The following LRP1B variants were observed in gnomAD, a reference collection of about 807,000 sequenced individuals.
The protein encoded by LRP1B is low-density lipoprotein receptor-related protein 1B.
In LRP1B, 217 loss-of-function variants were observed where a neutral mutation model predicts 556.6. That is an observed-to-expected ratio of 0.39 (90% CI 0.35 to 0.44). LRP1B has a LOEUF of 0.44. Among genes scored for constraint, LRP1B ranks in the 20% least tolerant of loss-of-function variants. The pLI, the probability that LRP1B is intolerant of heterozygous loss-of-function variation, is 1.00. For synonymous variants in LRP1B, 2,047 were observed against 1,865.8 expected (o/e 1.10, Z -2.50); for missense variants, 5,053 against 5,620.8 (o/e 0.90, Z 3.23).
intron 2 of LRP1B, among the ~76,000 whole-genome samples, chr2:141,726,227 C>T (rs2381154): frequency 0.6 from 89,587 of 150,458 alleles, 27,185 homozygotes; most frequent in East Asian, 0.92. Context: ...ACAATCCCAT[C>T]ATCATAAAAA....
chr2:141,899,930 CTG>C (rs1558948825), intron 1 of LRP1B, among the ~76,000 whole-genome samples: 1 of 151,998 alleles, frequency 6.6e-6, no homozygotes, highest in Admixed American at 6.6e-5. Context: ...ACTGTACTGA[CTG>C]TGCACTCAAA....
chr2:141,921,567 C>G (rs1700185233), intron 1 of LRP1B, among the ~76,000 whole-genome samples: 2 of 152,042 alleles, frequency 1.3e-5, no homozygotes. Flanking sequence ...TGATTCCTCA[C>G]TTCCATTTCA....
At chr2:140,818,870 G>C (rs1691218131) in intron 31 of LRP1B, among the ~76,000 whole-genome samples, 1 of 149,790 alleles carries the variant, frequency 6.7e-6, no homozygotes, top group South Asian at 2.1e-4. Context: ...CCAGGAGGTA[G>C]AGGTTGCAGT....
chr2:141,160,861 T>A (rs1023045286), intron 7 of LRP1B, among the ~76,000 whole-genome samples: 44 of 138,214 alleles, frequency 3.2e-4, no homozygotes, highest in African/African-American at 1.1e-3. Context: ...TATATATATA[T>A]AAAATAAGGT....
Position 141,265,008 on chromosome 2 carries a change from C to G in LRP1B, c.344-10367G>C, listed in dbSNP as rs1265499743. Among the ~76,000 whole-genome samples the G allele has an allele frequency of 3.3e-5, 5 of 152,154 alleles. 1 individual carries two copies. The South Asian group carries it at 1.0e-3, about 31-fold the overall frequency. On this transcript the variant is annotated intron_variant, in intron 3 of 90. Transcript: ENST00000389484. ...CCTAGGACAGGGCACTGGATAACTT[C>G]CCTGTGCTGAGCCGCTGCTCCTGCT...
chr2:140,877,675 C>A (rs777821654), intron 25 of LRP1B, among the ~76,000 whole-genome samples: 21 of 152,126 alleles, frequency 1.4e-4, no homozygotes, highest in Non-Finnish European at 2.2e-4. Flanking sequence ...AGCAGGCAAC[C>A]ATTTGTGTCT....
At chr2:141,247,176 A>C in intron 5 of LRP1B, 50 bp downstream of exon 5, 1 of 1,607,186 alleles carries the variant, frequency 6.2e-7, no homozygotes, top group Non-Finnish European at 8.5e-7. Flanking sequence ...GAATTGTAAA[A>C]AGGAAACAAG....
intron 3 of LRP1B, among the ~76,000 whole-genome samples, chr2:141,468,992 G>A (rs777305369): frequency 6.6e-6 from 1 of 151,942 alleles, no homozygotes; most frequent in Non-Finnish European, 1.5e-5. Flanking sequence ...TTGTTGGACC[G>A]GTTCTACAAT....
intron 2 of LRP1B, among the ~76,000 whole-genome samples, chr2:141,618,199 C>T (rs865988016): frequency 4.0e-5 from 6 of 151,638 alleles, no homozygotes; most frequent in South Asian, 2.1e-4. Context: ...TTTTTTTCCT[C>T]GCTAGTAATT....
At chr2:141,771,002 T>C (rs1342047374) in intron 2 of LRP1B, among the ~76,000 whole-genome samples, 5 of 152,242 alleles carry the variant, frequency 3.3e-5, no homozygotes, top group Non-Finnish European at 7.3e-5. Context: ...ATTGAACCAC[T>C]GGACTGACTT....
intron 53 of LRP1B, among the ~76,000 whole-genome samples, chr2:140,503,654 A>G (rs1689288630): frequency 6.6e-6 from 1 of 152,136 alleles, no homozygotes; most frequent in Non-Finnish European, 1.5e-5. Flanking sequence ...TAGAGTCACT[A>G]AAAACTTTAT....
intron 3 of LRP1B, among the ~76,000 whole-genome samples, chr2:141,408,143 T>A (rs75737781): frequency 7.2e-4 from 77 of 106,210 alleles, no homozygotes; most frequent in East Asian, 2.3e-3. Flanking sequence ...TTGGTTCAAT[T>A]TTTTTTTTTT....
chr2:140,698,425 TA>T (rs1184677708), intron 41 of LRP1B, among the ~76,000 whole-genome samples: 2 of 152,142 alleles, frequency 1.3e-5, no homozygotes, highest in African/African-American at 2.4e-5. Flanking sequence ...TGCGTTCATC[TA>T]AATAGCACCT....
intron 1 of LRP1B, among the ~76,000 whole-genome samples, chr2:142,029,979 C>A (rs1443619148): frequency 1.3e-4 from 20 of 151,226 alleles, no homozygotes; most frequent in Admixed American, 1.3e-3. Flanking sequence ...TTTTTTCTAT[C>A]CATTTTTCAC....
chr2:140,453,573 T>C (rs887505591), intron 62 of LRP1B, among the ~76,000 whole-genome samples: 1 of 152,090 alleles, frequency 6.6e-6, no homozygotes, highest in Non-Finnish European at 1.5e-5. Context: ...AATACAGGGA[T>C]AAAATGCAAT....
At chr2:141,188,644 A>C (rs1681368101) in intron 6 of LRP1B, 61 bp from the exon 7 acceptor site, 1 of 1,446,768 alleles carries the variant, frequency 6.9e-7, no homozygotes, top group Non-Finnish European at 9.6e-7. Context: ...ATGATCCAAA[A>C]ATAACATAAG....
At chr2:140,814,801 C>T (rs899963315) in intron 31 of LRP1B, among the ~76,000 whole-genome samples, 4 of 152,066 alleles carry the variant, frequency 2.6e-5, no homozygotes, top group East Asian at 1.9e-4. Context: ...ACCCTAATCT[C>T]GACCTGGCAC....
chr2:140,805,840 T>C (rs1165706247), intron 32 of LRP1B, among the ~76,000 whole-genome samples: 1 of 152,180 alleles, frequency 6.6e-6, no homozygotes. Flanking sequence ...GAATTATATA[T>C]GTGCTTGTGT....
In LRP1B at chr2:140,234,880, C is replaced by A. The variant is rs768295795; in HGVS notation, c.13565G>T (p.Arg4522Met). 1.3e-6 allele frequency: 1 copy of A among 773,920 alleles called. No homozygotes were observed. Among genetic ancestry groups the A allele is most frequent in the South Asian group, 1.3e-5 (1 of 74,216 alleles). The allele number at this position is 773,920 out of a possible 1,614,324, so 47.9% of individuals were successfully genotyped here. A position where few individuals can be genotyped will look rare whatever the true frequency, so the allele number is the denominator to read the frequency against. ...PGFMIDPTKA[R>M]YIGGGPSAFK... ...AGCACTGGGTCCTCCCCCTATGTAC[C>A]TGGCCTGTATATAAACAGAAAATTT... Residue 4522 changes from arginine (R) to methionine (M), a missense_variant, in exon 90 of 91, where the codon AGG (arginine) becomes ATG (methionine). Arg to Met is a moderately conservative substitution (Grantham distance 91). This residue lies in a region of LRP1B where 551 missense variants were observed against 592.0 expected (regional missense o/e 0.93). Transcript: ENST00000389484.
Sources: gnomAD v4.1 joint callset for allele counts (sites outside exome capture counted in the v4.1 genomes callset) on GRCh38, gnomAD v4.1.1 for gene constraint, gnomAD v4.1.1 regional missense constraint, MANE v1.5 for transcripts, NCBI Gene and HGNC (gene_info 2026-07-23, HGNC 2026-07-21) for gene names.